Variants in C8A observed in about 807,000 individuals in gnomAD.
The protein encoded by C8A is complement C8 alpha chain.
A neutral mutation model predicts 65.3 loss-of-function variants in C8A; 67 were observed. The observed-to-expected ratio is 1.03, with a 90% CI of 0.84 to 1.26. The LOEUF is 1.26. Ranked by LOEUF, C8A falls within the 50% of genes most tolerant of loss-of-function variation. The pLI, the probability that C8A is intolerant of heterozygous loss-of-function variation, is 0.00. For missense variants in C8A, 781 were observed against 723.9 expected (o/e 1.08, Z -0.90); for synonymous variants, 290 against 259.4 (o/e 1.12, Z -1.13).
At chr1:56,860,812 A>C (rs2101187071) in intron 1 of C8A, among the ~76,000 whole-genome samples, 1 of 152,344 alleles carries the variant, frequency 6.6e-6, no homozygotes, top group Middle Eastern at 3.4e-3. Flanking sequence ...TGAAAAAAGC[A>C]GAAAGAGAAA....
intron 7 of C8A, among the ~76,000 whole-genome samples, chr1:56,901,861 C>G (rs1241819326): frequency 2.6e-5 from 4 of 152,070 alleles, no homozygotes; most frequent in Non-Finnish European, 5.9e-5. Flanking sequence ...GTCCTCCTCG[C>G]ACACTACAAT....
At chr1:56,862,453 A>G (rs1291799605) in intron 1 of C8A, among the ~76,000 whole-genome samples, 1 of 152,196 alleles carries the variant, frequency 6.6e-6, no homozygotes, top group African/African-American at 2.4e-5. Flanking sequence ...AACCTTCAAT[A>G]TGTTATTGAG....
At chr1:56,886,260 T>C (rs1285481911) in intron 7 of C8A, 93 bp downstream of exon 7, 3 of 1,478,960 alleles carry the variant, frequency 2.0e-6, no homozygotes, top group African/African-American at 1.4e-5. Flanking sequence ...GAGCCATGGG[T>C]GATCTCATTT....
chr1:56,888,704 T>C (rs1379088180), intron 7 of C8A, among the ~76,000 whole-genome samples: 2 of 152,176 alleles, frequency 1.3e-5, no homozygotes, highest in East Asian at 3.8e-4. Flanking sequence ...TAAAAAACTT[T>C]ACTCAAGTGG....
Position 56,875,071 on chromosome 1 carries a change from G to A in C8A, c.294G>A (p.Gln98=), listed in dbSNP as rs577429236. ...GTGTAAGGCAAGCACAGTGTGGACA[G>A]GATTTCCAGTGTAAGGAGACAGGTG... ...TTCVRQAQCG[Q]DFQCKETGRC... Residue 98 remains glutamine, a synonymous_variant, in exon 3 of 11, where the codon CAG becomes CAA. Coordinates refer to ENST00000361249, the MANE Select transcript of C8A (RefSeq NM_000562.3). The A allele has an allele frequency of 5.6e-6, 9 of 1,613,518 alleles. No individual in the cohort carries two copies. In the East Asian group the frequency reaches 1.1e-4, roughly 20 times the overall value.
At chr1:56,863,127 TAAAC>T (rs1644050414) in intron 1 of C8A, among the ~76,000 whole-genome samples, 1 of 152,138 alleles carries the variant, frequency 6.6e-6, no homozygotes, top group Non-Finnish European at 1.5e-5. Flanking sequence ...GTTATGAAAA[TAAAC>T]AGAAGAAAAT....
intron 4 of C8A, among the ~76,000 whole-genome samples, chr1:56,877,069 C>T (rs1010556822): frequency 3.9e-5 from 6 of 152,166 alleles, no homozygotes; most frequent in Admixed American, 3.3e-4. Context: ...GATATACCAG[C>T]GATCTCTCTC....
At chr1:56,889,678 A>C (rs1053323435) in intron 7 of C8A, among the ~76,000 whole-genome samples, 1 of 152,146 alleles carries the variant, frequency 6.6e-6, no homozygotes, top group African/African-American at 2.4e-5. Flanking sequence ...TGAGCTTGGC[A>C]TGGAATGATT....
chr1:56,909,063 C>T (rs1038390129), intron 9 of C8A, among the ~76,000 whole-genome samples: 3 of 152,198 alleles, frequency 2.0e-5, no homozygotes, highest in African/African-American at 7.2e-5. Context: ...AAATATCTGG[C>T]CTCAAGTGTC....
chr1:56,903,825 T>A (rs1644444079), intron 7 of C8A, among the ~76,000 whole-genome samples: 1 of 152,204 alleles, frequency 6.6e-6, no homozygotes, highest in South Asian at 2.1e-4. Context: ...ACAATTAGAA[T>A]TGATAGAGGT....
intron 6 of C8A, 97 bp downstream of exon 6, chr1:56,883,778 C>T (rs988912275): frequency 1.4e-5 from 15 of 1,057,666 alleles, no homozygotes; most frequent in Non-Finnish European, 1.8e-5. Context: ...GTAATTGAAC[C>T]TTAATTTGCT....
At chr1:56,915,914 A>C (rs2101319154) in intron 10 of C8A, among the ~76,000 whole-genome samples, 1 of 152,330 alleles carries the variant, frequency 6.6e-6, no homozygotes, top group Non-Finnish European at 1.5e-5. Flanking sequence ...GGTATGTACC[A>C]GTTCATGGTT....
intron 10 of C8A, among the ~76,000 whole-genome samples, chr1:56,912,883 A>T (rs1042701638): frequency 1.3e-5 from 2 of 152,188 alleles, no homozygotes; most frequent in African/African-American, 4.8e-5. Context: ...TTCTGGAGGA[A>T]TAAACTAGTT....
intron 7 of C8A, among the ~76,000 whole-genome samples, chr1:56,888,698 A>C (rs957898166): frequency 6.6e-6 from 1 of 152,216 alleles, no homozygotes; most frequent in Non-Finnish European, 1.5e-5. Flanking sequence ...AGCATTTAAA[A>C]AACTTTACTC....
At chr1:56,909,751 T>C (rs1393089875) in intron 9 of C8A, among the ~76,000 whole-genome samples, 3 of 152,214 alleles carry the variant, frequency 2.0e-5, no homozygotes, top group African/African-American at 7.2e-5. Flanking sequence ...TTTGACAAGT[T>C]ACTTCCCTCA....
chr1:56,910,004 G>A (rs1228623159), intron 9 of C8A, among the ~76,000 whole-genome samples: 2 of 152,170 alleles, frequency 1.3e-5, no homozygotes, highest in Admixed American at 6.5e-5. Flanking sequence ...CTTTATAGCA[G>A]GGAAGTAACA....
At chr1:56,877,553 C>T (rs1644210580) in intron 4 of C8A, among the ~76,000 whole-genome samples, 1 of 152,162 alleles carries the variant, frequency 6.6e-6, no homozygotes, top group African/African-American at 2.4e-5. Context: ...CTCTGCCACT[C>T]TGTCTTTGCC....
chr1:56,907,750 T>G (rs1644477097), intron 8 of C8A, among the ~76,000 whole-genome samples: 2 of 152,232 alleles, frequency 1.3e-5, no homozygotes, highest in Non-Finnish European at 2.9e-5. Flanking sequence ...CTCTCAGTAT[T>G]TCTCCACTCC....
chr1:56,888,436 T>TTATA (rs1344352364), intron 7 of C8A, among the ~76,000 whole-genome samples: 2 of 152,196 alleles, frequency 1.3e-5, no homozygotes, highest in Non-Finnish European at 2.9e-5. Context: ...CCCTCTTGCA[T>TTATA]TACAGTATTT....
Sources: allele counts gnomAD v4.1 joint callset (sites outside exome capture counted in the v4.1 genomes callset), GRCh38; gene constraint gnomAD v4.1.1; transcripts MANE v1.5; gene names NCBI Gene and HGNC (gene_info 2026-07-23, HGNC 2026-07-21).